ACP6: variants seen among roughly 807,000 people sequenced by gnomAD.
ACP6 encodes the protein lysophosphatidic acid phosphatase type 6.
A neutral mutation model predicts 48.1 loss-of-function variants in ACP6; 48 were observed. That is an observed-to-expected ratio of 1.00 (90% CI 0.79 to 1.27). The LOEUF is 1.27. Ranked by LOEUF, ACP6 falls within the 50% of genes most tolerant of loss-of-function variation. ACP6 has a pLI of 0.00. For synonymous variants in ACP6, 172 were observed against 204.2 expected (o/e 0.84, Z 1.34); for missense variants, 485 against 529.1 (o/e 0.92, Z 0.82).
intron 9 of ACP6, chr1:147,647,867 C>T: frequency 2.0e-6 from 1 of 495,416 alleles, no homozygotes; most frequent in Non-Finnish European, 3.6e-6. Context: ...GACCCCAGCC[C>T]TGATGAAGCA....
At chr1:147,638,613 AG>A (rs1326973699), downstream of ACP6, among the ~76,000 whole-genome samples, 2 of 152,164 alleles carry the variant, frequency 1.3e-5, no homozygotes, top group Non-Finnish European at 2.9e-5. Flanking sequence ...AGAGGTGGGC[AG>A]GGGGCCTATT....
At chr1:147,658,156 G>A (rs1660351095) in intron 4 of ACP6, among the ~76,000 whole-genome samples, 1 of 152,200 alleles carries the variant, frequency 6.6e-6, no homozygotes, top group Non-Finnish European at 1.5e-5. Context: ...ATCCAACCCA[G>A]TTGAGGGCAA....
intron 6 of ACP6, among the ~76,000 whole-genome samples, chr1:147,653,493 C>T (rs2148907155): frequency 6.6e-6 from 1 of 152,056 alleles, no homozygotes; most frequent in Middle Eastern, 3.4e-3. Context: ...TAAATTCCTA[C>T]TTGATCTTCA....
intron 5 of ACP6, among the ~76,000 whole-genome samples, chr1:147,633,257 AGTT>A (rs1434642242): frequency 6.6e-6 from 1 of 152,180 alleles, no homozygotes; most frequent in Non-Finnish European, 1.5e-5. Context: ...AGTTGAAAAC[AGTT>A]ATTACTTCCC....
chr1:147,652,770 G>T, intron 6 of ACP6: 1 of 693,822 alleles, frequency 1.4e-6, no homozygotes, highest in Non-Finnish European at 2.3e-6. Context: ...AAAAAAGAAA[G>T]GGTTTCTTCC....
rs868973444 is a variant in ACP6 at position 147,642,965 on chromosome 1, G to A, written c.*4458C>T. ...TAGAGGCTAGAAGTCCAAGATCGTG[G>A]TGTCAGCAGCATTGGTTTCTTCTGA... On this transcript the variant is annotated 3_prime_UTR_variant, in exon 10 of 10. Transcript: ENST00000583509. The A allele has an allele frequency of 6.6e-6, 1 of 152,188 alleles. No individual in the cohort carries two copies. 9.4% of individuals were successfully genotyped at this position (152,188 alleles called of 1,614,324 possible). A position where few individuals can be genotyped will look rare whatever the true frequency, so the allele number is the denominator to read the frequency against.
rs374696745 is a variant in ACP6, at chr1:147,662,395, A to G, written c.220-2620T>C. ...GCAAAGTAAATTGAAAACCTTATGG[A>G]AAGAATTCACCATTCTAGATGTCAT... is the stretch of plus-strand genomic sequence containing the variant. On this transcript the variant is annotated intron_variant, in intron 1 of 9. Transcript: ENST00000583509. 5.9e-5 allele frequency among the ~76,000 whole-genome samples: 9 copies of G among 152,322 alleles called. No homozygotes were observed. The East Asian group carries it at 1.5e-3, about 26-fold the overall frequency.
In ACP6 at chr1:147,642,273, T is replaced by G. The variant is rs1659474967; in HGVS notation, c.*5150A>C. The stretch of plus-strand genomic sequence containing the variant: ...CTCATTTATTCATTCGGTAAATCTT[T>G]GCTGAGGTCCACTTTGTACAGTCTC... On this transcript the variant is annotated 3_prime_UTR_variant, in exon 10 of 10. Transcript: ENST00000583509. 2 of 152,194 alleles carry G rather than the reference T, an allele frequency of 1.3e-5. No homozygotes were observed. Among genetic ancestry groups the G allele is most frequent in the Non-Finnish European group, 2.9e-5 (2 of 68,034 alleles). The allele number at this position is 152,194 out of a possible 1,614,324, so 9.4% of individuals were successfully genotyped here.
chr1:147,651,101 C>G (rs1475648050), intron 7 of ACP6: 1 of 152,178 alleles, frequency 6.6e-6, no homozygotes, highest in Non-Finnish European at 1.5e-5. Flanking sequence ...GGGTAAATGA[C>G]CATCTTTATA....
At chr1:147,655,054 C>A in intron 5 of ACP6, 107 bp downstream of exon 5, 1 of 849,016 alleles carries the variant, frequency 1.2e-6, no homozygotes, top group Non-Finnish European at 1.9e-6. Flanking sequence ...ATCCATTATT[C>A]GCCAGTAGGG....
At chr1:147,665,250 T>C (rs3766506) in intron 1 of ACP6, among the ~76,000 whole-genome samples, 25,787 of 152,110 alleles carry the variant, frequency 0.17, 2,567 homozygotes, top group East Asian at 0.33. Context: ...ATGGGAAGAC[T>C]AGATGCAGAA....
intron 5 of ACP6, among the ~76,000 whole-genome samples, chr1:147,634,592 T>C (rs1163814216): frequency 6.6e-6 from 1 of 152,230 alleles, no homozygotes. Context: ...AGCTAATCTT[T>C]AGAGTGACAT....
chr1:147,655,353 C>CCA, intron 4 of ACP6, 105 bp from the exon 5 acceptor site: 1 of 851,548 alleles, frequency 1.2e-6, no homozygotes, highest in Non-Finnish European at 1.9e-6. Context: ...GAGATCTGCT[C>CCA]TGAGAGGCAG....
At chr1:147,638,856 C>T (rs997355849), downstream of ACP6, among the ~76,000 whole-genome samples, 5 of 152,034 alleles carry the variant, frequency 3.3e-5, no homozygotes, top group African/African-American at 1.2e-4. Flanking sequence ...CTGGTTTTTG[C>T]TTTTGTTTTT....
In ACP6 at chr1:147,670,109, C is replaced by A; in HGVS notation, c.-61G>T. 7.1e-7 allele frequency: 1 copy of A among 1,410,642 alleles called. No homozygotes were observed. The highest frequency in any genetic ancestry group is 9.3e-7 in the Non-Finnish European group (1 of 1,073,390). The allele number at this position is 1,410,642 out of a possible 1,614,324, so 87.4% of individuals were successfully genotyped here. A position where few individuals can be genotyped will look rare whatever the true frequency, so the allele number is the denominator to read the frequency against. ...GCAGGAGGCAAACACAAGTCTTCTG[C>A]GGGCGCCGGGGCTCAGCGGGCGCCC... On this transcript the variant is annotated 5_prime_UTR_variant, in exon 1 of 10. Coordinates refer to ENST00000583509, the MANE Select transcript of ACP6 (RefSeq NM_016361.5).
Position 147,647,871 on chromosome 1 carries a change from T to G in ACP6, c.1144-305A>C, listed in dbSNP as rs587698564. Reference sequence around the variant, plus strand: ...CCTCTGCCCTGGACCCCAGCCCTGATGAAGCAGCCAACACCACGGGTGCTA... The same window carrying G: ...CCTCTGCCCTGGACCCCAGCCCTGAGGAAGCAGCCAACACCACGGGTGCTA... On this transcript the variant is annotated intron_variant, in intron 9 of 9. Transcript: ENST00000583509. The G allele has an allele frequency of 2.4e-4, 117 of 490,512 alleles. No individual in the cohort carries two copies. The South Asian group carries it at 3.3e-3, about 14-fold the overall frequency. The allele number at this position is 490,512 out of a possible 1,614,324, so 30.4% of individuals were successfully genotyped here.
At position 147,663,385 on chromosome 1, in the gene ACP6, C is replaced by T. The variant is rs951975151; in HGVS notation, c.220-3610G>A. ...GAATAAGCTTTAGTGATCTATTGTACAGGATGGTGACTACAATAAATAATA... is the reference window on the plus strand; with the variant it reads ...GAATAAGCTTTAGTGATCTATTGTATAGGATGGTGACTACAATAAATAATA... On this transcript the variant is annotated intron_variant, in intron 1 of 9. Transcript: ENST00000583509. Among the ~76,000 whole-genome samples, 5 of 152,136 alleles carry T rather than the reference C, an allele frequency of 3.3e-5. No individual in the cohort carries two copies. In the East Asian group the frequency reaches 9.6e-4, roughly 29 times the overall value.
chr1:147,662,956 T>A (rs7416410), intron 1 of ACP6, among the ~76,000 whole-genome samples: 206 of 152,276 alleles, frequency 1.4e-3, no homozygotes, highest in African/African-American at 4.6e-3. Context: ...TCAGCAGCCA[T>A]CAACATCAAG....
intron 7 of ACP6, chr1:147,651,539 A>G (rs1292560367): frequency 2.0e-5 from 3 of 152,082 alleles, no homozygotes; most frequent in Non-Finnish European, 4.4e-5. Flanking sequence ...GTAAGTAACA[A>G]TTTAGGTATG....
Sources: gnomAD v4.1 joint callset for allele counts (sites outside exome capture counted in the v4.1 genomes callset) on GRCh38, gnomAD v4.1.1 for gene constraint, MANE v1.5 for transcripts, NCBI Gene and HGNC (gene_info 2026-07-23, HGNC 2026-07-21) for gene names.